Variants in DNER observed in about 807,000 individuals in gnomAD.
DNER encodes delta/notch like EGF repeat containing, also known as delta and Notch-like epidermal growth factor-related receptor.
In DNER, 33 loss-of-function variants were observed where a neutral mutation model predicts 78.2. That is an observed-to-expected ratio of 0.42 (90% CI 0.32 to 0.56). The LOEUF (loss-of-function observed/expected upper bound fraction) is 0.56, where lower values mean the gene tolerates loss of function less well. Ranked by LOEUF, DNER falls within the 20% of genes least tolerant of loss-of-function variation. The pLI is 0.11. For missense variants in DNER, 918 were observed against 975.3 expected, an observed-to-expected ratio of 0.94 and a Z score of 0.78; for synonymous variants, 417 against 384.8, an observed-to-expected ratio of 1.08 and a Z score of -0.98.
At chr2:229,671,879 C>G (rs1045298743) in intron 1 of DNER, among the ~76,000 whole-genome samples, 1 of 152,170 alleles carries the variant, frequency 6.6e-6, no homozygotes, top group African/African-American at 2.4e-5. Flanking sequence ...AGGGAAGGCA[C>G]TGAGTGTAGT....
At chr2:229,420,450 C>A (rs764002891) in intron 8 of DNER, among the ~76,000 whole-genome samples, 52 of 152,254 alleles carry the variant, frequency 3.4e-4, no homozygotes, top group Non-Finnish European at 4.9e-4. Context: ...TATATTTGTG[C>A]TTTTGTTGCC....
intron 11 of DNER, among the ~76,000 whole-genome samples, chr2:229,380,733 T>C (rs1692716252): frequency 6.6e-6 from 1 of 152,040 alleles, no homozygotes; most frequent in Non-Finnish European, 1.5e-5. Flanking sequence ...GAGACCATCC[T>C]GGCCAACATA....
At chr2:229,657,391 A>G (rs1258130913) in intron 1 of DNER, among the ~76,000 whole-genome samples, 1 of 152,150 alleles carries the variant, frequency 6.6e-6, no homozygotes, top group Non-Finnish European at 1.5e-5. Context: ...TCACCTGTCA[A>G]TGAGCATTTA....
At chr2:229,583,943 T>C (rs1425048560) in intron 4 of DNER, among the ~76,000 whole-genome samples, 1 of 152,202 alleles carries the variant, frequency 6.6e-6, no homozygotes, top group African/African-American at 2.4e-5. Flanking sequence ...TTTCACCCAG[T>C]AAAATTCCTG....
chr2:229,516,677 G>A (rs112585317), intron 5 of DNER, among the ~76,000 whole-genome samples: 3 of 151,770 alleles, frequency 2.0e-5, no homozygotes, highest in African/African-American at 7.2e-5. Flanking sequence ...GCCAGCTATT[G>A]GGGAAGCTGA....
At chr2:229,482,793 T>C (rs1335133007) in intron 6 of DNER, among the ~76,000 whole-genome samples, 1 of 152,138 alleles carries the variant, frequency 6.6e-6, no homozygotes, top group Non-Finnish European at 1.5e-5. Context: ...ATTTCATTTG[T>C]AAAATCAGGA....
rs1699959976 is a variant in DNER at position 229,714,320 on chromosome 2, T to A, written c.104A>T (p.Asn35Ile). 1.6e-6 allele frequency: 2 copies of A among 1,286,184 alleles called. No homozygotes were observed. Among genetic ancestry groups the A allele is most frequent in the African/African-American group, 3.1e-5 (2 of 63,996 alleles). The allele number at this position is 1,286,184 out of a possible 1,614,324, so 79.7% of individuals were successfully genotyped here. ...AGACAGGGGCGCGGCGGGCACCGGG[T>A]TGGCCAGGGAGCTGCCTCGGGGCCC... The part of the protein sequence containing the change: ...GAGPRGSSLA[N>I]PVPAAPLSAP... Residue 35 changes from asparagine to isoleucine, a missense_variant, in exon 1 of 13, where the codon AAC becomes ATC. Coordinates refer to ENST00000341772, the MANE Select transcript of DNER (RefSeq NM_139072.4).
In DNER at chr2:229,366,599, C is replaced by T. The variant is rs113919345; in HGVS notation, c.2102+274G>A. ...AAAAGTTTTCAATATACAGCGATTA[C>T]GAATCAGATATTTATAGTCACAGAG... On this transcript the variant is annotated intron_variant, in intron 12 of 12. Coordinates refer to ENST00000341772, the MANE Select transcript of DNER (RefSeq NM_139072.4). Among the ~76,000 whole-genome samples, 865 of 152,228 alleles carry T rather than the reference C, an allele frequency of 5.7e-3. 7 individuals carry two copies. Among genetic ancestry groups the T allele is most frequent in the African/African-American group, 0.02 (826 of 41,512 alleles).
At position 229,550,141 on chromosome 2, in the gene DNER, C is replaced by T. The variant is rs116433186; in HGVS notation, c.848-3049G>A. On this transcript the variant is annotated intron_variant, in intron 4 of 12. Transcript: ENST00000341772. Reference sequence around the variant, plus strand: ...CCAAGTACCTGGGATTACATATACGCGCCACCACACCCAGCTAATTTTTGT... The same window carrying T: ...CCAAGTACCTGGGATTACATATACGTGCCACCACACCCAGCTAATTTTTGT... 2.2e-3 allele frequency among the ~76,000 whole-genome samples: 337 copies of T among 151,290 alleles called. 4 individuals carry two copies. The highest frequency in any genetic ancestry group is 7.5e-3 in the African/African-American group (310 of 41,160).
intron 7 of DNER, among the ~76,000 whole-genome samples, chr2:229,461,478 G>A (rs1694699842): frequency 6.6e-6 from 1 of 151,804 alleles, no homozygotes; most frequent in Admixed American, 6.6e-5. Flanking sequence ...GTAGAGAATT[G>A]GAAAAGGAAA....
At chr2:229,703,518 A>G (rs959314961) in intron 1 of DNER, among the ~76,000 whole-genome samples, 1 of 152,212 alleles carries the variant, frequency 6.6e-6, no homozygotes, top group Non-Finnish European at 1.5e-5. Flanking sequence ...AGTACAAACC[A>G]TAAAAGAAAA....
chr2:229,634,522 A>C (rs1698495545), intron 1 of DNER, among the ~76,000 whole-genome samples: 1 of 152,248 alleles, frequency 6.6e-6, no homozygotes, highest in Admixed American at 6.5e-5. Context: ...ATACTCAAAA[A>C]AGAGAAAAAC....
intron 1 of DNER, among the ~76,000 whole-genome samples, chr2:229,614,825 G>A (rs774606163): frequency 6.6e-6 from 1 of 152,192 alleles, no homozygotes; most frequent in African/African-American, 2.4e-5. Flanking sequence ...AGTGCAATAT[G>A]ATATTAGGTG....
At position 229,493,624 on chromosome 2, in the gene DNER, C is replaced by T. The variant is rs574551114; in HGVS notation, c.1148-16371G>A. 6.6e-5 allele frequency among the ~76,000 whole-genome samples: 10 copies of T among 152,274 alleles called. No individual in the cohort carries two copies. In the South Asian group the frequency reaches 2.1e-3, roughly 32 times the overall value. ...AGAGAACTGAGCCCCTACCATACAC[C>T]TGTATGGCTCATATAGAATTGTATC... On this transcript the variant is annotated intron_variant, in intron 6 of 12. Coordinates refer to ENST00000341772, the MANE Select transcript of DNER (RefSeq NM_139072.4).
chr2:229,662,020 T>A (rs1699017981), intron 1 of DNER, among the ~76,000 whole-genome samples: 1 of 152,186 alleles, frequency 6.6e-6, no homozygotes, highest in Non-Finnish European at 1.5e-5. Flanking sequence ...TTAAGTCAAT[T>A]AATATTTGGT....
At chr2:229,684,940 C>T (rs1464685289) in intron 1 of DNER, among the ~76,000 whole-genome samples, 3 of 152,190 alleles carry the variant, frequency 2.0e-5, no homozygotes, top group African/African-American at 7.2e-5. Context: ...TCGATGAAAG[C>T]TAATCTCATG....
At chr2:229,710,983 G>GCGCGCGCACA (rs1553555262) in intron 1 of DNER, among the ~76,000 whole-genome samples, 1 of 139,724 alleles carries the variant, frequency 7.2e-6, no homozygotes, top group African/African-American at 2.7e-5. Flanking sequence ...GCATACACGC[G>GCGCGCGCACA]CACACACACA....
intron 6 of DNER, among the ~76,000 whole-genome samples, chr2:229,504,043 TGAG>T (rs1005098703): frequency 1.3e-5 from 2 of 150,676 alleles, no homozygotes; most frequent in Admixed American, 1.3e-4. Context: ...CGTGCCCAGC[TGAG>T]TTGTGTATTC....
intron 5 of DNER, among the ~76,000 whole-genome samples, chr2:229,541,941 A>T (rs939522668): frequency 4.1e-5 from 6 of 147,052 alleles, no homozygotes; most frequent in African/African-American, 1.5e-4. Flanking sequence ...TTATATTTAT[A>T]TATACTTTAT....
Sources: gnomAD v4.1 joint callset for allele counts (sites outside exome capture counted in the v4.1 genomes callset) on GRCh38, gnomAD v4.1.1 for gene constraint, MANE v1.5 for transcripts, NCBI Gene and HGNC (gene_info 2026-07-23, HGNC 2026-07-21) for gene names.